The following CPNE4 variants were observed in gnomAD, a reference collection of about 807,000 sequenced individuals.
The protein encoded by CPNE4 is copine-4.
A neutral mutation model predicts 67.9 loss-of-function variants in CPNE4; 25 were observed. That is an observed-to-expected ratio of 0.37 (90% CI 0.27 to 0.51). The LOEUF (loss-of-function observed/expected upper bound fraction) is 0.51, where lower values mean the gene tolerates loss of function less well. Among genes scored for constraint, CPNE4 ranks in the 20% least tolerant of loss-of-function variants. CPNE4 has a pLI of 0.93. For synonymous variants in CPNE4, 242 were observed against 244.9 expected (o/e 0.99, Z 0.11); for missense variants, 464 against 690.8 (o/e 0.67, Z 3.68).
intron 7 of CPNE4, among the ~76,000 whole-genome samples, chr3:131,620,115 C>G (rs767387847): frequency 2.0e-5 from 3 of 152,176 alleles, no homozygotes; most frequent in Non-Finnish European, 4.4e-5. Flanking sequence ...AGCCAGGACA[C>G]AGCAGCATGC....
intron 2 of CPNE4, among the ~76,000 whole-genome samples, chr3:131,763,963 T>C (rs967980663): frequency 6.6e-6 from 1 of 152,128 alleles, no homozygotes; most frequent in Non-Finnish European, 1.5e-5. Context: ...CCAGGGTCTC[T>C]AAGCATTTAA....
In CPNE4 at chr3:131,905,253, G is replaced by A. The variant is rs3749262; in HGVS notation, c.180+11C>T. The A allele has an allele frequency of 0.25, 403,646 of 1,603,752 alleles. 53,504 individuals carry two copies. The highest frequency in any genetic ancestry group is 0.27 in the Non-Finnish European group (318,804 of 1,173,302). On this transcript the variant is annotated intron_variant, in intron 2 of 15. Transcript: ENST00000429747. Reference sequence around the variant, plus strand: ...AGCCATGGTTCTGTCCATTTCATTGGACATGCCTACCTCAAACCACTGCCC... The same window carrying A: ...AGCCATGGTTCTGTCCATTTCATTGAACATGCCTACCTCAAACCACTGCCC...
chr3:131,985,656 A>G (rs2073024172), intron 1 of CPNE4, among the ~76,000 whole-genome samples: 1 of 152,206 alleles, frequency 6.6e-6, no homozygotes, highest in South Asian at 2.1e-4. Context: ...TATATACAAA[A>G]TAAAAAATAT....
intron 1 of CPNE4, among the ~76,000 whole-genome samples, chr3:131,952,480 C>G (rs2071777936): frequency 1.0e-5 from 1 of 97,952 alleles, no homozygotes; most frequent in African/African-American, 2.8e-5. Flanking sequence ...GTGGGGGGGT[C>G]AGCGCCCCGC....
In CPNE4 at chr3:131,992,997, T is replaced by C. The variant is rs144750678; in HGVS notation, c.-2+41570A>G. Among the ~76,000 whole-genome samples, 1,096 of 136,414 alleles carry C rather than the reference T, an allele frequency of 8.0e-3. 79 individuals carry two copies. Among genetic ancestry groups the C allele is most frequent in the African/African-American group, 0.025 (1,029 of 40,794 alleles). The allele number at this position is 136,414 out of a possible 152,430, so 89.5% of individuals were successfully genotyped here. On this transcript the variant is annotated intron_variant, in intron 1 of 15. Coordinates refer to ENST00000429747, the MANE Select transcript of CPNE4 (RefSeq NM_130808.3). ...GAGTCAATTAAACCTCTTTCCTTTA[T>C]AAATTACCCAGTCTTGGGTATGTCT...
intron 10 of CPNE4, among the ~76,000 whole-genome samples, chr3:131,565,049 C>T (rs543060630): frequency 6.6e-6 from 1 of 152,062 alleles, no homozygotes; most frequent in African/African-American, 2.4e-5. Flanking sequence ...TCTTCTGACC[C>T]CCAGTATCAT....
intron 2 of CPNE4, among the ~76,000 whole-genome samples, chr3:131,860,056 T>C (rs1168231904): frequency 6.6e-6 from 1 of 152,184 alleles, no homozygotes; most frequent in African/African-American, 2.4e-5. Flanking sequence ...GGTTTTATCT[T>C]ATACATACAT....
At chr3:131,849,840 A>G (rs192667186) in intron 2 of CPNE4, among the ~76,000 whole-genome samples, 26 of 152,266 alleles carry the variant, frequency 1.7e-4, no homozygotes, top group African/African-American at 6.0e-4. Context: ...TCAGCCAACC[A>G]CAGATGTCTG....
intron 3 of CPNE4, among the ~76,000 whole-genome samples, chr3:131,717,943 T>TTTTC (rs1354865112): frequency 1.6e-5 from 2 of 124,938 alleles, no homozygotes; most frequent in Admixed American, 1.6e-4. Flanking sequence ...TCTTTCTTTC[T>TTTTC]TTTCTTTCTT....
chr3:131,916,728 C>T (rs915865123), intron 1 of CPNE4, among the ~76,000 whole-genome samples: 1 of 152,116 alleles, frequency 6.6e-6, no homozygotes, highest in Non-Finnish European at 1.5e-5. Flanking sequence ...CTACTAGTAA[C>T]ACGTGTCTAT....
intron 2 of CPNE4, among the ~76,000 whole-genome samples, chr3:131,899,729 T>C (rs1414975866): frequency 1.3e-5 from 2 of 152,134 alleles, no homozygotes; most frequent in African/African-American, 4.8e-5. Flanking sequence ...CTTTAATTCA[T>C]CACATAAATG....
chr3:131,738,817 CAT>C (rs1292878589), intron 2 of CPNE4, among the ~76,000 whole-genome samples: 1 of 151,332 alleles, frequency 6.6e-6, no homozygotes, highest in African/African-American at 2.4e-5. Flanking sequence ...ACAAACAAAA[CAT>C]AATATGTACA....
chr3:131,905,542 A>T, intron 1 of CPNE4, 98 bp from the exon 2 acceptor site: 1 of 894,578 alleles, frequency 1.1e-6, no homozygotes, highest in African/African-American at 2.0e-5. Context: ...AAATTGTTTG[A>T]CACACAGTTT....
chr3:131,892,823 C>T (rs552843775), intron 2 of CPNE4, among the ~76,000 whole-genome samples: 1 of 151,748 alleles, frequency 6.6e-6, no homozygotes, highest in East Asian at 1.9e-4. Context: ...AAAGAAATTA[C>T]AGCAGATAAA....
intron 2 of CPNE4, among the ~76,000 whole-genome samples, chr3:131,759,867 T>C (rs1187904102): frequency 6.6e-6 from 1 of 152,180 alleles, no homozygotes; most frequent in Non-Finnish European, 1.5e-5. Flanking sequence ...GGCACCTCAC[T>C]AGCTATTCTA....
At chr3:131,683,723 T>C (rs1472415428) in intron 6 of CPNE4, among the ~76,000 whole-genome samples, 1 of 152,100 alleles carries the variant, frequency 6.6e-6, no homozygotes, top group East Asian at 1.9e-4. Context: ...AGAGCACCAG[T>C]ACTTGCCCAG....
rs534737633 is a variant in CPNE4 at position 131,882,723 on chromosome 3, A to ATTTTTTT, written c.180+22534_180+22540dup. Reference sequence around the variant, plus strand: ...ACAAAAGTAATTGCAGTTCTGCTCTATTTTTTTTTTTTTTTTGAGACGGAG... The same window carrying ATTTTTTT: ...ACAAAAGTAATTGCAGTTCTGCTCTATTTTTTTTTTTTTTTTTTTTTTTGAGACGGAG... On this transcript the variant is annotated intron_variant, in intron 2 of 15. Coordinates refer to ENST00000429747, the MANE Select transcript of CPNE4 (RefSeq NM_130808.3). Among the ~76,000 whole-genome samples the ATTTTTTT allele has an allele frequency of 4.6e-4, 63 of 136,148 alleles. 3 individuals are homozygous for ATTTTTTT. The highest frequency in any genetic ancestry group is 6.4e-4 in the Non-Finnish European group (41 of 63,982). The allele number at this position is 136,148 out of a possible 152,430, so 89.3% of individuals were successfully genotyped here.
chr3:131,653,361 G>T (rs1194430897), intron 7 of CPNE4, among the ~76,000 whole-genome samples: 9 of 151,784 alleles, frequency 5.9e-5, no homozygotes, highest in Admixed American at 5.9e-4. Context: ...TGATAGCCAG[G>T]ATGGTCTCGA....
chr3:131,838,797 C>T (rs953677132), intron 2 of CPNE4, among the ~76,000 whole-genome samples: 2 of 151,328 alleles, frequency 1.3e-5, no homozygotes, highest in African/African-American at 2.4e-5. Context: ...ATTCTAGTTA[C>T]TATATGTATA....
Sources: gnomAD v4.1 joint callset for allele counts (sites outside exome capture counted in the v4.1 genomes callset) on GRCh38, gnomAD v4.1.1 for gene constraint, MANE v1.5 for transcripts, NCBI Gene and HGNC (gene_info 2026-07-23, HGNC 2026-07-21) for gene names.